The following OMA1 variants were observed in gnomAD, a reference collection of about 807,000 sequenced individuals.
The protein encoded by OMA1 is OMA1 zinc metallopeptidase.
In OMA1, 38 loss-of-function variants were observed where a neutral mutation model predicts 30.9. The ratio of observed to expected loss-of-function variants is 1.23; its 90% confidence interval spans 0.95 to 1.61. The LOEUF (loss-of-function observed/expected upper bound fraction) is 1.61, where lower values mean the gene tolerates loss of function less well. Ranked by LOEUF, OMA1 falls within the 40% of genes most tolerant of loss-of-function variation. The pLI is 0.00. For missense variants in OMA1, 461 were observed against 349.2 expected (o/e 1.32, Z -2.55); for synonymous variants, 173 against 121.9 (o/e 1.42, Z -2.76).
At chr1:58,524,621 T>A (rs1222647180) in intron 7 of OMA1, among the ~76,000 whole-genome samples, 1 of 152,246 alleles carries the variant, frequency 6.6e-6, no homozygotes, top group Admixed American at 6.5e-5. Flanking sequence ...TTTTCCTTTT[T>A]TCAACGGTCC....
chr1:58,507,410 C>G (rs1646006135), intron 7 of OMA1, among the ~76,000 whole-genome samples: 1 of 151,828 alleles, frequency 6.6e-6, no homozygotes, highest in African/African-American at 2.4e-5. Context: ...TACATCATTT[C>G]TTAACAAATA....
intron 8 of OMA1, among the ~76,000 whole-genome samples, chr1:58,495,612 T>C (rs990734366): frequency 7.2e-5 from 11 of 152,076 alleles, no homozygotes; most frequent in Non-Finnish European, 1.5e-4. Context: ...TTCCTGATTG[T>C]CAGTAGATTC....
chr1:58,519,277 G>T (rs67639631), intron 7 of OMA1, among the ~76,000 whole-genome samples: 47,312 of 152,004 alleles, frequency 0.31, 7,794 homozygotes, highest in African/African-American at 0.42. Flanking sequence ...TATATATTTA[G>T]GGGTTACATG....
rs1164885993 is a variant in OMA1 at position 58,480,879 on chromosome 1, A to G, written c.*86T>C. On this transcript the variant is annotated 3_prime_UTR_variant, in exon 9 of 9. Coordinates refer to ENST00000371226, the MANE Select transcript of OMA1 (RefSeq NM_145243.5). ...GACCCTGAATATCCTTTTTTTTTTC[A>G]CTTCAAACATCATTTTTTAAAAAGT... 5 of 684,920 alleles carry G rather than the reference A, an allele frequency of 7.3e-6. No homozygotes were observed. Among genetic ancestry groups the G allele is most frequent in the African/African-American group, 1.8e-5 (1 of 55,178 alleles). The allele number at this position is 684,920 out of a possible 1,614,324, so 42.4% of individuals were successfully genotyped here.
At chr1:58,515,802 A>G (rs1460213669) in intron 7 of OMA1, among the ~76,000 whole-genome samples, 1 of 152,216 alleles carries the variant, frequency 6.6e-6, no homozygotes, top group African/African-American at 2.4e-5. Flanking sequence ...TAGATAAATC[A>G]CTTTACATCT....
At chr1:58,526,503 C>G (rs1646351491) in intron 7 of OMA1, among the ~76,000 whole-genome samples, 1 of 149,760 alleles carries the variant, frequency 6.7e-6, no homozygotes, top group African/African-American at 2.5e-5. Context: ...TCAGTTATCA[C>G]AGGTGATTAA....
intron 7 of OMA1, among the ~76,000 whole-genome samples, chr1:58,519,159 A>G (rs990144493): frequency 3.3e-5 from 5 of 152,234 alleles, no homozygotes; most frequent in African/African-American, 1.2e-4. Context: ...AGAATTTTTA[A>G]AAGTCTCCAC....
At chr1:58,499,781 TTAGTTAAAG>T (rs1194614257) in intron 8 of OMA1, among the ~76,000 whole-genome samples, 1 of 118,962 alleles carries the variant, frequency 8.4e-6, no homozygotes, top group African/African-American at 3.6e-5. Context: ...ATTTTAAAAA[TTAGTTAAAG>T]TAAATAAAAA....
chr1:58,524,550 C>T (rs745847386), intron 7 of OMA1, among the ~76,000 whole-genome samples: 1 of 152,152 alleles, frequency 6.6e-6, no homozygotes, highest in Non-Finnish European at 1.5e-5. Context: ...AAGTCTTTTG[C>T]AAAAAGTGCA....
intron 8 of OMA1, among the ~76,000 whole-genome samples, chr1:58,502,660 T>G (rs1458044914): frequency 6.6e-6 from 1 of 152,234 alleles, no homozygotes; most frequent in Admixed American, 6.5e-5. Flanking sequence ...TTCTATATAC[T>G]GCCTGAGAAA....
At chr1:58,522,728 GTATGT>G (rs1285944474) in intron 7 of OMA1, among the ~76,000 whole-genome samples, 4 of 152,134 alleles carry the variant, frequency 2.6e-5, no homozygotes, top group Admixed American at 6.5e-5. Context: ...AACATGTTTT[GTATGT>G]TATATGTATT....
At chr1:58,513,858 G>A (rs1350288900) in intron 7 of OMA1, among the ~76,000 whole-genome samples, 1 of 152,178 alleles carries the variant, frequency 6.6e-6, no homozygotes, top group Non-Finnish European at 1.5e-5. Context: ...GATCCATGGT[G>A]ACTACATAAC....
At chr1:58,537,537 A>C (rs1034386576) in intron 2 of OMA1, among the ~76,000 whole-genome samples, 1 of 148,856 alleles carries the variant, frequency 6.7e-6, no homozygotes, top group Admixed American at 6.7e-5. Context: ...ACCAGGCAAC[A>C]ATACTCTCTG....
At chr1:58,521,149 A>G (rs897505688) in intron 7 of OMA1, among the ~76,000 whole-genome samples, 9 of 152,240 alleles carry the variant, frequency 5.9e-5, no homozygotes, top group African/African-American at 2.2e-4. Flanking sequence ...TAACTTTAAA[A>G]TCATCAAATG....
rs1557454069 is a variant in OMA1, at chr1:58,527,148, CTAA to C, written c.1215+110_1215+112del. ...AGATTAACAGAAATTACATAAAGGG[CTAA>C]TACAGTCCAACTCTCATTCTCTGCT... On this transcript the variant is annotated intron_variant, in intron 7 of 8. Transcript: ENST00000371226. 3 of 705,692 alleles carry C rather than the reference CTAA, an allele frequency of 4.3e-6. No individual in the cohort carries two copies. In the African/African-American group the frequency reaches 5.3e-5, roughly 12 times the overall value. The allele number at this position is 705,692 out of a possible 1,614,324, so 43.7% of individuals were successfully genotyped here. A position where few individuals can be genotyped will look rare whatever the true frequency, so the allele number is the denominator to read the frequency against.
At chr1:58,545,820 T>G (rs1283743270) in intron 1 of OMA1, among the ~76,000 whole-genome samples, 1 of 152,170 alleles carries the variant, frequency 6.6e-6, no homozygotes, top group African/African-American at 2.4e-5. Flanking sequence ...ACATGTACTT[T>G]AAAATAATCA....
chr1:58,484,617 T>A (rs12094207), intron 8 of OMA1, among the ~76,000 whole-genome samples: 1 of 152,196 alleles, frequency 6.6e-6, no homozygotes, highest in African/African-American at 2.4e-5. Context: ...AAAAGCTGGC[T>A]TGGTAAATGT....
chr1:58,537,498 T>C (rs1646536171), intron 2 of OMA1, among the ~76,000 whole-genome samples: 1 of 152,222 alleles, frequency 6.6e-6, no homozygotes, highest in African/African-American at 2.4e-5. Flanking sequence ...GGAGATTTTA[T>C]AGATAACATC....
At chr1:58,545,091 C>T (rs150983697) in intron 1 of OMA1, among the ~76,000 whole-genome samples, 1 of 152,208 alleles carries the variant, frequency 6.6e-6, no homozygotes, top group East Asian at 1.9e-4. Context: ...CCAGGCCCTC[C>T]TACTACTTCT....
Sources: gnomAD v4.1 joint callset for allele counts (sites outside exome capture counted in the v4.1 genomes callset) on GRCh38, gnomAD v4.1.1 for gene constraint, MANE v1.5 for transcripts, NCBI Gene and HGNC (gene_info 2026-07-23, HGNC 2026-07-21) for gene names.